PSEN1: variants seen among roughly 807,000 people sequenced by gnomAD.
The protein encoded by PSEN1 is presenilin-1.
In PSEN1, 15 loss-of-function variants were observed where a neutral mutation model predicts 53.5. The ratio of observed to expected loss-of-function variants is 0.28; its 90% CI spans 0.19 to 0.43. The LOEUF is 0.43. PSEN1 is among the 20% of genes least tolerant of loss of function. PSEN1 has a pLI of 1.00. For synonymous variants in PSEN1, 208 were observed against 209.8 expected (o/e 0.99, Z 0.08); for missense variants, 387 against 571.2 (o/e 0.68, Z 3.29).
At chr14:73,191,406 T>TATAA (rs1898708842) in intron 6 of PSEN1, among the ~76,000 whole-genome samples, 1 of 152,188 alleles carries the variant, frequency 6.6e-6, no homozygotes, top group Non-Finnish European at 1.5e-5. Context: ...TAAGTGTGTG[T>TATAA]GTGTGTATGA....
chr14:73,190,540 G>GT (rs1566640667), intron 6 of PSEN1, among the ~76,000 whole-genome samples: 2 of 150,878 alleles, frequency 1.3e-5, no homozygotes, highest in Non-Finnish European at 3.0e-5. Context: ...AAGTAGAAAA[G>GT]TATATATATG....
At position 73,187,654 on chromosome 14, in the gene PSEN1, G is replaced by A. The variant is rs189105648; in HGVS notation, c.548+734G>A. 1.2e-4 allele frequency among the ~76,000 whole-genome samples: 18 copies of A among 152,284 alleles called. No homozygotes were observed. The East Asian group carries it at 3.5e-3, about 29-fold the overall frequency. On this transcript the variant is annotated intron_variant, in intron 6 of 11. Coordinates refer to ENST00000324501, the MANE Select transcript of PSEN1 (RefSeq NM_000021.4). ...TAAAGAAGAGGTACAGAAAGTTACT[G>A]AAGAAGTTTCCACCCCACCTGCACA...
Position 73,220,070 on chromosome 14 carries a change from A to G in PSEN1, c.*781A>G, listed in dbSNP as rs1900084026. 6.6e-6 allele frequency: 1 copy of G among 152,256 alleles called. No individual in the cohort carries two copies. Among genetic ancestry groups the G allele is most frequent in the Non-Finnish European group, 1.5e-5 (1 of 68,072 alleles). 9.4% of individuals were successfully genotyped at this position (152,256 alleles called of 1,614,324 possible). A position where few individuals can be genotyped will look rare whatever the true frequency, so the allele number is the denominator to read the frequency against. On this transcript the variant is annotated 3_prime_UTR_variant, in exon 12 of 12. Transcript: ENST00000324501. ...AGTAAATTTTGGAAACAGTACAGCT[A>G]TTTCTCATCAATTCTCTATCATGTT...
chr14:73,149,200 A>G (rs1283446328), intron 3 of PSEN1, among the ~76,000 whole-genome samples: 1 of 151,898 alleles, frequency 6.6e-6, no homozygotes, highest in Non-Finnish European at 1.5e-5. Flanking sequence ...GAACTTTCTC[A>G]TAGCCTGGCA....
intron 8 of PSEN1, among the ~76,000 whole-genome samples, chr14:73,200,475 G>A (rs143926761): frequency 0.022 from 3,396 of 152,136 alleles, 130 homozygotes; most frequent in African/African-American, 0.075. Flanking sequence ...TCACCACGTT[G>A]GCCAGGCTGG....
At chr14:73,144,484 A>G (rs1479179505) in intron 1 of PSEN1, among the ~76,000 whole-genome samples, 1 of 152,202 alleles carries the variant, frequency 6.6e-6, no homozygotes, top group Non-Finnish European at 1.5e-5. Flanking sequence ...TTTACTAGTA[A>G]TCAAAATCGC....
chr14:73,157,984 TA>T (rs896093952), intron 3 of PSEN1, among the ~76,000 whole-genome samples: 308 of 147,286 alleles, frequency 2.1e-3, no homozygotes, highest in Non-Finnish European at 3.4e-3. Flanking sequence ...AGTCTCTGTC[TA>T]AAAAAAAAAC....
intron 1 of PSEN1, among the ~76,000 whole-genome samples, chr14:73,143,821 C>T (rs746025433): frequency 1.8e-4 from 28 of 151,512 alleles, no homozygotes; most frequent in Non-Finnish European, 3.2e-4. Context: ...CCAGCCTGGG[C>T]GATACAGCAA....
At chr14:73,218,634 A>C (rs1395011892) in intron 11 of PSEN1, among the ~76,000 whole-genome samples, 1 of 152,072 alleles carries the variant, frequency 6.6e-6, no homozygotes, top group African/African-American at 2.4e-5. Flanking sequence ...GTGCGGGAAG[A>C]ATGCTCCCAC....
intron 7 of PSEN1, among the ~76,000 whole-genome samples, chr14:73,193,214 G>A (rs1898796554): frequency 6.6e-6 from 1 of 152,072 alleles, no homozygotes; most frequent in African/African-American, 2.4e-5. Context: ...GGAGGCTGAG[G>A]TGGGAGGATC....
chr14:73,177,069 T>G (rs768205004), intron 5 of PSEN1, among the ~76,000 whole-genome samples: 23 of 152,238 alleles, frequency 1.5e-4, no homozygotes, highest in Non-Finnish European at 2.9e-4. Flanking sequence ...TGACACTGAT[T>G]CTGGCTTTTG....
At chr14:73,180,232 G>C (rs1257063387) in intron 5 of PSEN1, among the ~76,000 whole-genome samples, 1 of 152,124 alleles carries the variant, frequency 6.6e-6, no homozygotes, top group Non-Finnish European at 1.5e-5. Flanking sequence ...TGATCCACTG[G>C]TTTCGGCCTC....
intron 4 of PSEN1, among the ~76,000 whole-genome samples, chr14:73,172,242 G>T (rs1390731374): frequency 1.3e-5 from 2 of 152,078 alleles, no homozygotes; most frequent in Non-Finnish European, 2.9e-5. Flanking sequence ...ACTCTCATGG[G>T]GTCCAAAGAA....
intron 4 of PSEN1, 117 bp downstream of exon 4, chr14:73,171,164 T>C (rs1044806294): frequency 3.2e-6 from 4 of 1,255,218 alleles, no homozygotes; most frequent in African/African-American, 1.5e-5. Context: ...GGAGAGCCCA[T>C]CCTCTGTGAT....
intron 3 of PSEN1, among the ~76,000 whole-genome samples, chr14:73,167,307 A>G (rs1036444855): frequency 3.3e-5 from 5 of 152,176 alleles, no homozygotes; most frequent in Non-Finnish European, 5.9e-5. Context: ...AGTGCTCCCA[A>G]ATCTGAAGCT....
intron 5 of PSEN1, among the ~76,000 whole-genome samples, chr14:73,181,042 T>C (rs1368967594): frequency 6.6e-6 from 1 of 152,166 alleles, no homozygotes; most frequent in Admixed American, 6.5e-5. Flanking sequence ...TAATGTAAAT[T>C]AAAATTGGGG....
At chr14:73,164,323 G>A (rs922373383) in intron 3 of PSEN1, among the ~76,000 whole-genome samples, 2 of 152,142 alleles carry the variant, frequency 1.3e-5, no homozygotes, top group East Asian at 1.9e-4. Context: ...CCATAGTGCC[G>A]ACGATTTTCT....
intron 1 of PSEN1, among the ~76,000 whole-genome samples, chr14:73,142,427 G>T (rs1421038383): frequency 6.6e-6 from 1 of 152,202 alleles, no homozygotes; most frequent in Non-Finnish European, 1.5e-5. Context: ...CAAGCCCTTT[G>T]TGCTAGAGAT....
chr14:73,191,067 T>C (rs1016362628), intron 6 of PSEN1, among the ~76,000 whole-genome samples: 2 of 152,198 alleles, frequency 1.3e-5, no homozygotes, highest in African/African-American at 4.8e-5. Flanking sequence ...TGCAATCTCT[T>C]TGTTGTTAGA....
Sources: gnomAD v4.1 joint callset for allele counts (sites outside exome capture counted in the v4.1 genomes callset) on GRCh38, gnomAD v4.1.1 for gene constraint, MANE v1.5 for transcripts, NCBI Gene and HGNC (gene_info 2026-07-23, HGNC 2026-07-21) for gene names.